The following ZDHHC20 variants were observed in gnomAD, a reference collection of about 807,000 sequenced individuals.
The protein encoded by ZDHHC20 is palmitoyltransferase ZDHHC20.
ZDHHC20 carries 43 observed loss-of-function variants against 57.8 expected under a neutral mutation model. The observed-to-expected ratio is 0.74, with a 90% CI of 0.58 to 0.96. ZDHHC20 has a LOEUF of 0.96. Among genes scored for constraint, ZDHHC20 ranks in the 40% least tolerant of loss-of-function variants. The probability of loss-of-function intolerance (pLI) is 0.00; values close to 1 mark genes in which losing one functional copy is unlikely to be tolerated. For missense variants in ZDHHC20, 391 were observed against 441.1 expected, an observed-to-expected ratio of 0.89 and a Z score of 1.02; for synonymous variants, 157 against 153.0, an observed-to-expected ratio of 1.03 and a Z score of -0.19.
At chr13:21,429,709 T>G (rs1431550569) in intron 1 of ZDHHC20, among the ~76,000 whole-genome samples, 1 of 152,218 alleles carries the variant, frequency 6.6e-6, no homozygotes, top group Non-Finnish European at 1.5e-5. Flanking sequence ...TCTTCTCCCC[T>G]GGGACTCTGA....
intron 1 of ZDHHC20, among the ~76,000 whole-genome samples, chr13:21,443,761 G>C (rs1166144305): frequency 6.6e-6 from 1 of 152,106 alleles, no homozygotes; most frequent in Non-Finnish European, 1.5e-5. Context: ...CATTTCCTGG[G>C]GTCCTTCAAT....
chr13:21,401,830 T>C, intron 5 of ZDHHC20, 145 bp from the exon 6 acceptor site: 1 of 675,898 alleles, frequency 1.5e-6, no homozygotes, highest in East Asian at 3.0e-5. Context: ...AGAGATAATT[T>C]CTGATGCTTC....
chr13:21,434,278 A>G (rs1294819248), intron 1 of ZDHHC20, among the ~76,000 whole-genome samples: 1 of 152,234 alleles, frequency 6.6e-6, no homozygotes, highest in Non-Finnish European at 1.5e-5. Context: ...TCAAGGACAC[A>G]AGGGATGAAG....
chr13:21,411,435 G>A (rs541125964), intron 4 of ZDHHC20, among the ~76,000 whole-genome samples: 1 of 152,300 alleles, frequency 6.6e-6, no homozygotes, highest in African/African-American at 2.4e-5. Context: ...AAGGACCTTA[G>A]AGATTTCCTA....
At chr13:21,393,705 A>C (rs1803354181) in intron 7 of ZDHHC20, among the ~76,000 whole-genome samples, 1 of 90,754 alleles carries the variant, frequency 1.1e-5, no homozygotes, top group Non-Finnish European at 2.9e-5. Context: ...CTCACAAAAA[A>C]AAAAAAAAAA....
Position 21,372,924 on chromosome 13 carries a change from A to G in ZDHHC20, c.*3772T>C, listed in dbSNP as rs1315312539. The G allele has an allele frequency of 2.0e-5, 3 of 152,206 alleles. No homozygotes were observed. The highest frequency in any genetic ancestry group is 4.8e-5 in the African/African-American group (2 of 41,466). 9.4% of individuals were successfully genotyped at this position (152,206 alleles called of 1,614,324 possible). A position where few individuals can be genotyped will look rare whatever the true frequency, so the allele number is the denominator to read the frequency against. The stretch of plus-strand genomic sequence containing the variant: ...TTCTTCATCTTTTAATACAAGTACA[A>G]TTCCTTGCTTCTTTATGCAACCTAA... On this transcript the variant is annotated 3_prime_UTR_variant, in exon 13 of 13. Coordinates refer to ENST00000400590, the MANE Select transcript of ZDHHC20 (RefSeq NM_001330059.2).
At chr13:21,444,513 G>C (rs1369754292) in intron 1 of ZDHHC20, among the ~76,000 whole-genome samples, 5 of 151,816 alleles carry the variant, frequency 3.3e-5, no homozygotes, top group Non-Finnish European at 7.4e-5. Flanking sequence ...GATAATAACG[G>C]GTACTTTCAA....
intron 7 of ZDHHC20, among the ~76,000 whole-genome samples, chr13:21,392,366 T>C (rs1010485128): frequency 2.0e-5 from 3 of 152,220 alleles, no homozygotes; most frequent in African/African-American, 7.2e-5. Flanking sequence ...ACAAAAATAT[T>C]TGCTTATTTT....
At chr13:21,434,791 A>T (rs1882375186) in intron 1 of ZDHHC20, among the ~76,000 whole-genome samples, 1 of 150,416 alleles carries the variant, frequency 6.6e-6, no homozygotes, top group Non-Finnish European at 1.5e-5. Flanking sequence ...TTTTTTTTTT[A>T]AAGCATTGCA....
At chr13:21,391,975 C>G in intron 7 of ZDHHC20, 121 bp from the exon 8 acceptor site, 1 of 1,129,642 alleles carries the variant, frequency 8.9e-7, no homozygotes, top group Non-Finnish European at 1.3e-6. Flanking sequence ...TAATAAATTA[C>G]TTAATATATC....
intron 4 of ZDHHC20, among the ~76,000 whole-genome samples, chr13:21,403,283 AAT>A (rs917904654): frequency 3.5e-5 from 5 of 142,552 alleles, no homozygotes; most frequent in African/African-American, 1.3e-4. Context: ...GAAATTCTGA[AAT>A]AGTTTTATTA....
intron 1 of ZDHHC20, among the ~76,000 whole-genome samples, chr13:21,444,862 C>A (rs138792342): frequency 1.1e-3 from 163 of 152,162 alleles, no homozygotes; most frequent in African/African-American, 3.2e-3. Context: ...TGGAGACCAG[C>A]CCTGGCAACA....
chr13:21,446,712 T>C (rs541773204), intron 1 of ZDHHC20, among the ~76,000 whole-genome samples: 2 of 152,362 alleles, frequency 1.3e-5, no homozygotes, highest in African/African-American at 2.4e-5. Context: ...GTTCTACATA[T>C]TTGAGCAGTA....
Position 21,414,509 on chromosome 13 carries a change from C to T in ZDHHC20, c.250-737G>A, listed in dbSNP as rs560168030. 8.2e-4 allele frequency among the ~76,000 whole-genome samples: 120 copies of T among 146,700 alleles called. 1 individual carries two copies. Among genetic ancestry groups the T allele is most frequent in the African/African-American group, 2.8e-3 (114 of 40,616 alleles). On this transcript the variant is annotated intron_variant, in intron 3 of 12. Transcript: ENST00000400590. ...CCGAGTAGCTGGGACTACAGGCGCA[C>T]GCCACTATGCCCGGATAATTTTTTT...
intron 1 of ZDHHC20, 137 bp downstream of exon 1, chr13:21,458,917 C>A: frequency 3.4e-6 from 2 of 590,340 alleles, no homozygotes; most frequent in Non-Finnish European, 5.4e-6. Context: ...AACCTCGGCG[C>A]TTCCGAGCGC....
Position 21,378,745 on chromosome 13 carries a change from G to T in ZDHHC20, c.1061-7C>A. On this transcript the variant is annotated splice_polypyrimidine_tract_variant and splice_region_variant and intron_variant, in intron 11 of 12. Coordinates refer to ENST00000400590, the MANE Select transcript of ZDHHC20 (RefSeq NM_001330059.2). ...GTTACATGGTTATTTGTCCCTGTAA[G>T]CATATAATTATATATGACATGACAA... 2 of 1,312,526 alleles carry T rather than the reference G, an allele frequency of 1.5e-6. No individual in the cohort carries two copies. Among genetic ancestry groups the T allele is most frequent in the Non-Finnish European group, 2.0e-6 (2 of 990,184 alleles). 81.3% of individuals were successfully genotyped at this position (1,312,526 alleles called of 1,614,324 possible).
intron 2 of ZDHHC20, among the ~76,000 whole-genome samples, chr13:21,423,979 T>G (rs1034107968): frequency 6.6e-6 from 1 of 152,046 alleles, no homozygotes. Context: ...ATACTCTTCA[T>G]AGTTTTAAAA....
chr13:21,411,387 G>A (rs555409809), intron 4 of ZDHHC20, among the ~76,000 whole-genome samples: 2 of 152,150 alleles, frequency 1.3e-5, no homozygotes, highest in Non-Finnish European at 2.9e-5. Context: ...AGGCACTAGG[G>A]AGGTAAAACC....
At chr13:21,420,969 G>T in intron 3 of ZDHHC20, 92 bp downstream of exon 3, 1 of 940,776 alleles carries the variant, frequency 1.1e-6, no homozygotes, top group Non-Finnish European at 1.7e-6. Context: ...CAGAACACAT[G>T]CATTATGTAA....
Sources: allele counts gnomAD v4.1 joint callset (sites outside exome capture counted in the v4.1 genomes callset), GRCh38; gene constraint gnomAD v4.1.1; transcripts MANE v1.5; gene names NCBI Gene and HGNC (gene_info 2026-07-23, HGNC 2026-07-21).